Variants in DROSHA observed in about 807,000 individuals in gnomAD.
DROSHA encodes ribonuclease 3.
DROSHA carries 56 observed loss-of-function variants against 181.9 expected under a neutral mutation model. That is an observed-to-expected ratio of 0.31 (90% CI 0.25 to 0.38). The LOEUF (loss-of-function observed/expected upper bound fraction) is 0.38. DROSHA is among the 10% of genes least tolerant of loss of function. DROSHA has a pLI of 1.00. For synonymous variants in DROSHA, 524 were observed against 591.2 expected (o/e 0.89, Z 1.65); for missense variants, 1,218 against 1,743.5 (o/e 0.70, Z 5.37).
At position 31,491,068 on chromosome 5, in the gene DROSHA, TA is replaced by T. The variant is rs574528640; in HGVS notation, c.1842+2138del. Reference sequence around the variant, plus strand: ...TTTCTACTCACTTTTGCTGTAAACCTAAAACTACTATTTTTTTTAAAAAAGT... The same window carrying T: ...TTTCTACTCACTTTTGCTGTAAACCTAAACTACTATTTTTTTTAAAAAAGT... On this transcript the variant is annotated intron_variant, in intron 13 of 35. Coordinates refer to ENST00000344624, the MANE Select transcript of DROSHA (RefSeq NM_001382508.1). Among the ~76,000 whole-genome samples the T allele has an allele frequency of 2.5e-3, 383 of 152,054 alleles. 1 individual carries two copies. The highest frequency in any genetic ancestry group is 4.6e-3 in the Non-Finnish European group (315 of 68,002).
At chr5:31,526,941 G>T (rs781684873) in intron 4 of DROSHA, 29 bp from the exon 5 acceptor site, 1 of 1,585,156 alleles carries the variant, frequency 6.3e-7, no homozygotes, top group Non-Finnish European at 8.6e-7. Context: ...AAAGGGAAAA[G>T]TTTTTTTAAA....
chr5:31,503,071 G>T (rs1430491740), intron 11 of DROSHA, among the ~76,000 whole-genome samples: 1 of 152,102 alleles, frequency 6.6e-6, no homozygotes, highest in African/African-American at 2.4e-5. Flanking sequence ...CTCACACATG[G>T]AGGTCCATCA....
At position 31,427,193 on chromosome 5, in the gene DROSHA, G is replaced by C. The variant is rs192234676; in HGVS notation, c.3216+2282C>G. 9.2e-5 allele frequency among the ~76,000 whole-genome samples: 14 copies of C among 152,232 alleles called. No homozygotes were observed. In the East Asian group the frequency reaches 2.2e-3, roughly 23 times the overall value. ...CTCCAGAGAAAAGGCCTGAGTCAGA[G>C]GTACTGGGACAGCTGTGTAAAGAGA... On this transcript the variant is annotated intron_variant, in intron 27 of 35. Transcript: ENST00000344624.
chr5:31,475,816 T>C (rs1410072108), intron 16 of DROSHA, among the ~76,000 whole-genome samples: 1 of 152,158 alleles, frequency 6.6e-6, no homozygotes, highest in Non-Finnish European at 1.5e-5. Flanking sequence ...GGAGTAAATA[T>C]ACACAGGTCC....
At chr5:31,464,414 A>G (rs1351260381) in intron 19 of DROSHA, 71 bp from the exon 20 acceptor site, 1 of 1,379,114 alleles carries the variant, frequency 7.3e-7, no homozygotes, top group East Asian at 2.3e-5. Context: ...ATCAAGCATT[A>G]GAAAATAAGT....
intron 13 of DROSHA, 51 bp from the exon 14 acceptor site, chr5:31,486,613 C>T (rs1751793986): frequency 1.3e-6 from 2 of 1,540,962 alleles, no homozygotes; most frequent in Non-Finnish European, 8.9e-7. Flanking sequence ...CCTGCAGGCT[C>T]ATATTATACA....
At chr5:31,528,095 A>C (rs571673921) in intron 4 of DROSHA, among the ~76,000 whole-genome samples, 7 of 151,812 alleles carry the variant, frequency 4.6e-5, no homozygotes, top group Admixed American at 2.0e-4. Flanking sequence ...AGTCTCCCAT[A>C]CCAGCTTCTT....
chr5:31,429,606 T>C (rs1037995557), intron 26 of DROSHA, 61 bp from the exon 27 acceptor site: 12 of 1,475,500 alleles, frequency 8.1e-6, no homozygotes, highest in Non-Finnish European at 9.3e-7. Flanking sequence ...GAAAATGACA[T>C]ATCTCTATAA....
intron 25 of DROSHA, among the ~76,000 whole-genome samples, chr5:31,434,639 C>T (rs753284683): frequency 6.6e-6 from 1 of 152,192 alleles, no homozygotes; most frequent in African/African-American, 2.4e-5. Context: ...ATAATTAATG[C>T]CTTGGCAAGA....
chr5:31,526,175 C>G lies in DROSHA; in HGVS notation c.758G>C (p.Gly253Ala). The G allele has an allele frequency of 6.2e-7, 1 of 1,613,820 alleles. No homozygotes were observed. The highest frequency in any genetic ancestry group is 1.1e-5 in the South Asian group (1 of 91,054). ...RHRSLDRRER[G>A]RSPDRRRQDS... Reference sequence around the variant, plus strand: ...TTGTCTTCTCCTGTCGGGACTGCGGCCTCGCTCCCGCCGATCCAGGGACCG... The same window carrying G: ...TTGTCTTCTCCTGTCGGGACTGCGGGCTCGCTCCCGCCGATCCAGGGACCG... The change falls in exon 5 of 36, where the codon GGC becomes GCC. Residue 253 changes from glycine (G) to alanine (A), a missense_variant. Physicochemically the swap from Gly to Ala is moderately conservative, Grantham distance 60 (BLOSUM62 0). Coordinates refer to ENST00000344624, the MANE Select transcript of DROSHA (RefSeq NM_001382508.1).
At chr5:31,520,455 A>G (rs1739764092) in intron 6 of DROSHA, among the ~76,000 whole-genome samples, 1 of 152,154 alleles carries the variant, frequency 6.6e-6, no homozygotes, top group Non-Finnish European at 1.5e-5. Context: ...TAATAATTAT[A>G]TACATAGTTA....
intron 19 of DROSHA, among the ~76,000 whole-genome samples, chr5:31,465,956 T>C (rs1748951636): frequency 6.6e-6 from 1 of 152,166 alleles, no homozygotes; most frequent in African/African-American, 2.4e-5. Flanking sequence ...GGTATTCCTT[T>C]AGAGGAATGC....
In DROSHA at chr5:31,447,551, G is replaced by A. The variant is rs139068951; in HGVS notation, c.2882+996C>T. On this transcript the variant is annotated intron_variant, in intron 23 of 35. Transcript: ENST00000344624. ...TCAAAAGTTTAGTACTGCAAAGGAC[G>A]TCATCAAGAGAGAGAAAAGACAATT... Among the ~76,000 whole-genome samples the A allele has an allele frequency of 1.7e-3, 258 of 152,230 alleles. 2 individuals are homozygous for A. Among genetic ancestry groups the A allele is most frequent in the East Asian group, 1.5e-3 (8 of 5,178 alleles).
rs144560457 is a variant in DROSHA at position 31,478,912 on chromosome 5, A to G, written c.2071+4642T>C. On this transcript the variant is annotated intron_variant, in intron 16 of 35. Transcript: ENST00000344624. ...TACTATCTTAACACATAATTTCACT[A>G]CTAGAACTCTACCTTACAGAAACAA... Among the ~76,000 whole-genome samples the G allele has an allele frequency of 4.0e-3, 607 of 152,324 alleles. 4 individuals carry two copies. The highest frequency in any genetic ancestry group is 0.014 in the African/African-American group (580 of 41,562).
intron 11 of DROSHA, among the ~76,000 whole-genome samples, chr5:31,498,963 C>T (rs1167025919): frequency 6.6e-6 from 1 of 152,058 alleles, no homozygotes; most frequent in Non-Finnish European, 1.5e-5. Flanking sequence ...AGACATGGGG[C>T]TGTGCCACGC....
intron 30 of DROSHA, among the ~76,000 whole-genome samples, chr5:31,414,810 A>G (rs1475445339): frequency 6.6e-6 from 1 of 152,186 alleles, no homozygotes; most frequent in African/African-American, 2.4e-5. Context: ...CGTCCTGTCC[A>G]CTCACTGTCC....
chr5:31,429,777 T>C (rs1221298087), intron 26 of DROSHA, among the ~76,000 whole-genome samples: 2 of 152,160 alleles, frequency 1.3e-5, no homozygotes, highest in African/African-American at 4.8e-5. Context: ...AATCTAATAT[T>C]GTAAGTAAAA....
Position 31,508,756 on chromosome 5 carries a change from C to T in DROSHA, c.1452G>A (p.Glu484=). 1 of 1,613,776 alleles carries T rather than the reference C, an allele frequency of 6.2e-7. No homozygotes were observed. Among genetic ancestry groups the T allele is most frequent in the Non-Finnish European group, 8.5e-7 (1 of 1,179,858 alleles). ...AGGTGCTGTCCTCATCAGACTCACA[C>T]TCGGATTCACTGGAACTCTCTAACA... The part of the protein sequence containing the change: ...DEDLESSSES[E]CESDEDSTCS... Residue 484 remains glutamate, a synonymous_variant, in exon 10 of 36, where the codon GAG becomes GAA. Transcript: ENST00000344624.
chr5:31,461,058 T>A (rs544879470), intron 20 of DROSHA, among the ~76,000 whole-genome samples: 72 of 152,312 alleles, frequency 4.7e-4, no homozygotes, highest in East Asian at 2.5e-3. Context: ...AAACCTGCAC[T>A]GGACTAAACA....
Sources: gnomAD v4.1 joint callset for allele counts (sites outside exome capture counted in the v4.1 genomes callset) on GRCh38, gnomAD v4.1.1 for gene constraint, MANE v1.5 for transcripts, NCBI Gene and HGNC (gene_info 2026-07-23, HGNC 2026-07-21) for gene names.